AKAP12: variants seen among roughly 807,000 people sequenced by gnomAD.
AKAP12 encodes A-kinase anchoring protein 12.
In AKAP12, 32 loss-of-function variants were observed where a neutral mutation model predicts 79.9. That is an observed-to-expected ratio of 0.40 (90% CI 0.30 to 0.54). AKAP12 has a LOEUF of 0.54. Among genes scored for constraint, AKAP12 ranks in the 20% least tolerant of loss-of-function variants. The pLI, the probability that AKAP12 is intolerant of heterozygous loss-of-function variation, is 0.48. For synonymous variants in AKAP12, 808 were observed against 857.0 expected, an observed-to-expected ratio of 0.94 and a Z score of 1.00; for missense variants, 2,074 against 2,177.0, an observed-to-expected ratio of 0.95 and a Z score of 0.94.
At chr6:151,284,392 G>A (rs1187377051) in intron 2 of AKAP12, among the ~76,000 whole-genome samples, 2 of 152,172 alleles carry the variant, frequency 1.3e-5, no homozygotes, top group South Asian at 2.1e-4. Context: ...TTGGGAAGCC[G>A]AGGTGGAAGG....
chr6:151,260,731 GCC>G (rs1392717252), intron 2 of AKAP12, among the ~76,000 whole-genome samples: 2 of 152,002 alleles, frequency 1.3e-5, no homozygotes, highest in African/African-American at 4.8e-5. Flanking sequence ...AGTGACTCAT[GCC>G]TGTAATCCCA....
intron 3 of AKAP12, among the ~76,000 whole-genome samples, chr6:151,326,550 A>G (rs1323894914): frequency 6.6e-6 from 1 of 152,038 alleles, no homozygotes; most frequent in African/African-American, 2.4e-5. Flanking sequence ...CTTTCTAGGA[A>G]TCTGGCCGTG....
intron 3 of AKAP12, among the ~76,000 whole-genome samples, chr6:151,312,245 C>T (rs556471051): frequency 1.2e-4 from 18 of 152,192 alleles, no homozygotes; most frequent in Non-Finnish European, 2.2e-4. Flanking sequence ...CCGAGGAGGG[C>T]GGATCACTTG....
rs201732246 is a variant in AKAP12 at position 151,264,858 on chromosome 6, A to T, written c.162+24134A>T. ...TCTGTGGGAAAATAATTTTTGTCTA[A>T]AAGTTTATGTTGGCCGGGCGCAGTG... On this transcript the variant is annotated intron_variant, in intron 2 of 4. Coordinates refer to ENST00000402676, the MANE Select transcript of AKAP12 (RefSeq NM_005100.4). 4.6e-5 allele frequency among the ~76,000 whole-genome samples: 7 copies of T among 152,082 alleles called. 1 individual carries two copies. In the East Asian group the frequency reaches 9.7e-4, roughly 21 times the overall value.
At chr6:151,328,465 C>T (rs1481633299) in intron 3 of AKAP12, among the ~76,000 whole-genome samples, 3 of 151,934 alleles carry the variant, frequency 2.0e-5, no homozygotes, top group Middle Eastern at 3.4e-3. Context: ...GGTGAAACCC[C>T]GTCTCTACTA....
At chr6:151,255,207 C>A (rs1797267969) in intron 2 of AKAP12, among the ~76,000 whole-genome samples, 1 of 151,846 alleles carries the variant, frequency 6.6e-6, no homozygotes, top group Non-Finnish European at 1.5e-5. Flanking sequence ...CTCTTGTTGC[C>A]CAGGCTGGAG....
intron 2 of AKAP12, among the ~76,000 whole-genome samples, chr6:151,281,912 C>T (rs1311215371): frequency 6.6e-6 from 1 of 151,938 alleles, no homozygotes; most frequent in Non-Finnish European, 1.5e-5. Flanking sequence ...GTTGCCCAAG[C>T]TTGTCAAACA....
At position 151,322,066 on chromosome 6, in the gene AKAP12, C is replaced by T. The variant is rs567261993; in HGVS notation, c.319+16163C>T. Among the ~76,000 whole-genome samples the T allele has an allele frequency of 5.9e-5, 9 of 151,964 alleles. No homozygotes were observed. In the South Asian group the frequency reaches 6.3e-4, roughly 11 times the overall value. ...CTGGGATTACAGGCGCCCGCCACCACGCCCGGCTAATTTTTGTATTTTTAG... is the reference window on the plus strand; with the variant it reads ...CTGGGATTACAGGCGCCCGCCACCATGCCCGGCTAATTTTTGTATTTTTAG... On this transcript the variant is annotated intron_variant, in intron 3 of 4. Coordinates refer to ENST00000402676, the MANE Select transcript of AKAP12 (RefSeq NM_005100.4).
intron 3 of AKAP12, among the ~76,000 whole-genome samples, chr6:151,317,355 C>G (rs1777260206): frequency 6.6e-6 from 1 of 152,196 alleles, no homozygotes; most frequent in Non-Finnish European, 1.5e-5. Context: ...CTCCTTTTTC[C>G]ACATGGCAGC....
At chr6:151,264,747 A>ACC (rs1797515525) in intron 2 of AKAP12, among the ~76,000 whole-genome samples, 1 of 152,128 alleles carries the variant, frequency 6.6e-6, no homozygotes, top group Non-Finnish European at 1.5e-5. Flanking sequence ...TAGGTAATAT[A>ACC]TCTGTAATGT....
Position 151,345,922 on chromosome 6 carries a change from TGTGTGTGTGTGAGAGAGAGA to T in AKAP12, c.320-2787_320-2768del, listed in dbSNP as rs1441926724. Among the ~76,000 whole-genome samples the T allele has an allele frequency of 2.2e-3, 249 of 114,346 alleles. 1 individual carries two copies. The highest frequency in any genetic ancestry group is 7.4e-3 in the African/African-American group (241 of 32,648). 75.0% of individuals were successfully genotyped at this position (114,346 alleles called of 152,430 possible). On this transcript the variant is annotated intron_variant, in intron 3 of 4. Coordinates refer to ENST00000402676, the MANE Select transcript of AKAP12 (RefSeq NM_005100.4). The stretch of plus-strand genomic sequence containing the variant: ...GTGTGTGTGTGTGTGTGTGTGTGTG[TGTGTGTGTGTGAGAGAGAGA>T]GAGAGAGAGAGAGAGAGAGAGAAAG...
intron 3 of AKAP12, 30 bp downstream of exon 3, chr6:151,305,933 A>G (rs1310413271): frequency 6.3e-7 from 1 of 1,577,204 alleles, no homozygotes; most frequent in Admixed American, 1.9e-5. Flanking sequence ...ACTGGAAGGC[A>G]CACAGCACTT....
chr6:151,261,010 C>T (rs1182471783), intron 2 of AKAP12, among the ~76,000 whole-genome samples: 1 of 151,934 alleles, frequency 6.6e-6, no homozygotes, highest in African/African-American at 2.4e-5. Context: ...CATACTTTTC[C>T]TAAACTCTTT....
intron 3 of AKAP12, among the ~76,000 whole-genome samples, chr6:151,330,342 C>T (rs562149028): frequency 4.6e-5 from 7 of 152,276 alleles, no homozygotes; most frequent in African/African-American, 1.7e-4. Flanking sequence ...CCTATATGCT[C>T]CAGTATGGGA....
At chr6:151,260,915 C>T (rs552206580) in intron 2 of AKAP12, among the ~76,000 whole-genome samples, 27 of 152,220 alleles carry the variant, frequency 1.8e-4, no homozygotes, top group East Asian at 9.7e-4. Flanking sequence ...TCGCTTGAAC[C>T]GGGGAGGTGG....
chr6:151,263,854 C>T (rs12665077), intron 2 of AKAP12, among the ~76,000 whole-genome samples: 13,027 of 152,258 alleles, frequency 0.086, 1,031 homozygotes, highest in African/African-American at 0.2. Context: ...GCTGGGATTA[C>T]AGGCATGAGC....
intron 2 of AKAP12, among the ~76,000 whole-genome samples, chr6:151,301,523 T>C (rs551543302): frequency 4.7e-4 from 72 of 152,186 alleles, no homozygotes; most frequent in Non-Finnish European, 9.3e-4. Flanking sequence ...TTTAGACGGT[T>C]TGGGGATGGA....
In AKAP12 at chr6:151,355,961, T is replaced by G. The variant is rs1005525911; in HGVS notation, c.*247T>G. 1 of 152,608 alleles carries G rather than the reference T, an allele frequency of 6.6e-6. No individual in the cohort carries two copies. The highest frequency in any genetic ancestry group is 6.5e-5 in the Admixed American group (1 of 15,276). 9.5% of individuals were successfully genotyped at this position (152,608 alleles called of 1,614,324 possible). A position where few individuals can be genotyped will look rare whatever the true frequency, so the allele number is the denominator to read the frequency against. ...ACCTACAATTTTCCCTTGATAACCATATAAATTCTGATTTAAGGTCCTAAA... is the reference window on the plus strand; with the variant it reads ...ACCTACAATTTTCCCTTGATAACCAGATAAATTCTGATTTAAGGTCCTAAA... On this transcript the variant is annotated 3_prime_UTR_variant, in exon 5 of 5. Coordinates refer to ENST00000402676, the MANE Select transcript of AKAP12 (RefSeq NM_005100.4).
At chr6:151,245,717 A>C (rs1408438246) in intron 2 of AKAP12, among the ~76,000 whole-genome samples, 4 of 151,996 alleles carry the variant, frequency 2.6e-5, no homozygotes, top group Non-Finnish European at 2.9e-5. Flanking sequence ...TTTTTATTTA[A>C]AGTCATTGCA....
Sources: allele counts gnomAD v4.1 joint callset (sites outside exome capture counted in the v4.1 genomes callset), GRCh38; gene constraint gnomAD v4.1.1; transcripts MANE v1.5; gene names NCBI Gene and HGNC (gene_info 2026-07-23, HGNC 2026-07-21).